DYNC1I1: variants seen among roughly 807,000 people sequenced by gnomAD.
DYNC1I1 encodes the protein cytoplasmic dynein 1 intermediate chain 1.
In DYNC1I1, 43 loss-of-function variants were observed where a neutral mutation model predicts 86.6. That is an observed-to-expected ratio of 0.50 (90% CI 0.39 to 0.64). DYNC1I1 has a LOEUF of 0.64. Ranked by LOEUF, DYNC1I1 falls within the 30% of genes least tolerant of loss-of-function variation. DYNC1I1 has a pLI of 0.00. For synonymous variants in DYNC1I1, 262 were observed against 283.7 expected, an observed-to-expected ratio of 0.92 and a Z score of 0.77; for missense variants, 604 against 788.8, an observed-to-expected ratio of 0.77 and a Z score of 2.81.
At chr7:96,080,548 A>G in intron 16 of DYNC1I1, 60 bp downstream of exon 16, 2 of 1,613,798 alleles carry the variant, frequency 1.2e-6, no homozygotes, top group Admixed American at 3.3e-5. Context: ...TTAGAAACCT[A>G]GTGAAATTAT....
At chr7:96,015,292 G>A (rs1192237870) in intron 10 of DYNC1I1, among the ~76,000 whole-genome samples, 1 of 152,044 alleles carries the variant, frequency 6.6e-6, no homozygotes, top group African/African-American at 2.4e-5. Flanking sequence ...ATTTATTCTA[G>A]CTGACCCATA....
At chr7:95,855,833 G>A (rs925048237) in intron 5 of DYNC1I1, among the ~76,000 whole-genome samples, 1 of 152,144 alleles carries the variant, frequency 6.6e-6, no homozygotes, top group Non-Finnish European at 1.5e-5. Flanking sequence ...AACTTACCAT[G>A]AATGGAGCTT....
chr7:96,047,550 G>A (rs1789255292), intron 14 of DYNC1I1, among the ~76,000 whole-genome samples: 1 of 152,158 alleles, frequency 6.6e-6, no homozygotes, highest in Admixed American at 6.5e-5. Context: ...GGGTCACGTG[G>A]ACCTCAGTGA....
rs117089672 is a variant in DYNC1I1 at position 96,016,614 on chromosome 7, T to C, written c.970-11561T>C. Among the ~76,000 whole-genome samples, 114 of 152,296 alleles carry C rather than the reference T, an allele frequency of 7.5e-4. No homozygotes were observed. In the East Asian group the frequency reaches 0.021, roughly 28 times the overall value. On this transcript the variant is annotated intron_variant, in intron 10 of 16. Transcript: ENST00000447467. ...ATCTGGTTAGCTTATTTTTTTGTAT[T>C]GTGCTGGTAAAAAATAATACCTGAT...
chr7:95,791,113 C>T (rs1298656561), intron 1 of DYNC1I1, among the ~76,000 whole-genome samples: 1 of 152,036 alleles, frequency 6.6e-6, no homozygotes, highest in East Asian at 1.9e-4. Flanking sequence ...TCTAATTTTA[C>T]TTTATTATCT....
intron 14 of DYNC1I1, among the ~76,000 whole-genome samples, chr7:96,049,257 C>CA (rs200677000): frequency 0.016 from 1,168 of 73,998 alleles, 9 homozygotes; most frequent in African/African-American, 0.019. Context: ...GACTCCATCT[C>CA]AAAAAAAAAA....
At chr7:95,818,603 C>A in intron 4 of DYNC1I1, 1 of 595,180 alleles carries the variant, frequency 1.7e-6, no homozygotes, top group South Asian at 2.2e-5. Flanking sequence ...GCCTCTCCCT[C>A]CCAAAGTGCT....
At chr7:96,050,935 G>A (rs1477641542) in intron 14 of DYNC1I1, among the ~76,000 whole-genome samples, 1 of 152,064 alleles carries the variant, frequency 6.6e-6, no homozygotes, top group Non-Finnish European at 1.5e-5. Flanking sequence ...ATTCTGTTGA[G>A]TACCAACTCT....
chr7:95,910,374 T>C lies in DYNC1I1; in HGVS notation c.490+40376T>C, dbSNP rs111754847. On this transcript the variant is annotated intron_variant, in intron 6 of 16. Transcript: ENST00000447467. ...TTAACTGGCATTCAGGACTTCTGTG[T>C]CCAGGAGCCAGATGTTTTGTATTTT... is the stretch of plus-strand genomic sequence containing the variant. Among the ~76,000 whole-genome samples the C allele has an allele frequency of 2.9e-3, 435 of 152,322 alleles. 3 individuals are homozygous for C. The highest frequency in any genetic ancestry group is 0.01 in the African/African-American group (423 of 41,588).
intron 6 of DYNC1I1, among the ~76,000 whole-genome samples, chr7:95,927,503 G>C (rs1791776639): frequency 6.6e-6 from 1 of 152,128 alleles, no homozygotes; most frequent in Non-Finnish European, 1.5e-5. Context: ...TAGTGGATTA[G>C]TTAAAAATAC....
chr7:95,897,453 T>A lies in DYNC1I1; in HGVS notation c.490+27455T>A, dbSNP rs922575405. Among the ~76,000 whole-genome samples, 22 of 152,206 alleles carry A rather than the reference T, an allele frequency of 1.4e-4. No homozygotes were observed. In the East Asian group the frequency reaches 3.9e-3, roughly 27 times the overall value. Reference sequence around the variant, plus strand: ...TGTCCTCTATTGACCATGATTTTTTTTTTTTGGCATTCTTTCCTGTGGATC... The same window carrying A: ...TGTCCTCTATTGACCATGATTTTTTATTTTTGGCATTCTTTCCTGTGGATC... On this transcript the variant is annotated intron_variant, in intron 6 of 16. Coordinates refer to ENST00000447467, the MANE Select transcript of DYNC1I1 (RefSeq NM_001135556.2).
At chr7:95,988,968 T>C (rs146528916) in intron 9 of DYNC1I1, among the ~76,000 whole-genome samples, 9 of 152,300 alleles carry the variant, frequency 5.9e-5, no homozygotes, top group Non-Finnish European at 1.2e-4. Flanking sequence ...TATACCAAAG[T>C]ATTTTAGCAT....
At chr7:95,827,934 G>A in intron 4 of DYNC1I1, 123 bp from the exon 5 acceptor site, 2 of 851,842 alleles carry the variant, frequency 2.3e-6, no homozygotes, top group South Asian at 1.7e-5. Flanking sequence ...ATGGAAGGGG[G>A]ACATGTTCTG....
At chr7:95,958,953 G>A (rs319340) in intron 6 of DYNC1I1, among the ~76,000 whole-genome samples, 39,824 of 152,086 alleles carry the variant, frequency 0.26, 5,815 homozygotes, top group East Asian at 0.64. Flanking sequence ...AATGACAAAT[G>A]GGTGGGCTGG....
intron 13 of DYNC1I1, among the ~76,000 whole-genome samples, chr7:96,039,054 G>C (rs1349540716): frequency 1.3e-5 from 2 of 152,136 alleles, no homozygotes; most frequent in African/African-American, 4.8e-5. Context: ...ATTTTAAAAA[G>C]ATTTCATTGC....
intron 5 of DYNC1I1, among the ~76,000 whole-genome samples, chr7:95,840,234 C>T (rs1789243426): frequency 6.6e-6 from 1 of 151,896 alleles, no homozygotes; most frequent in Admixed American, 6.6e-5. Flanking sequence ...CCCTGTAATT[C>T]TCTTAATATA....
chr7:95,781,875 C>T (rs1458580707), intron 1 of DYNC1I1, among the ~76,000 whole-genome samples: 1 of 152,168 alleles, frequency 6.6e-6, no homozygotes, highest in Admixed American at 6.5e-5. Flanking sequence ...GATGTCAACG[C>T]TGTCAGGGAA....
chr7:95,954,144 G>C (rs1792635662), intron 6 of DYNC1I1, among the ~76,000 whole-genome samples: 1 of 151,874 alleles, frequency 6.6e-6, no homozygotes, highest in African/African-American at 2.4e-5. Context: ...AGGCCTTGTG[G>C]ATTCAAAAGC....
At chr7:96,075,395 T>A (rs143107314) in intron 14 of DYNC1I1, among the ~76,000 whole-genome samples, 1 of 152,162 alleles carries the variant, frequency 6.6e-6, no homozygotes, top group Non-Finnish European at 1.5e-5. Context: ...GGCACTTCAA[T>A]GAGCCACACC....
Sources: gnomAD v4.1 joint callset for allele counts (sites outside exome capture counted in the v4.1 genomes callset) on GRCh38, gnomAD v4.1.1 for gene constraint, MANE v1.5 for transcripts, NCBI Gene and HGNC (gene_info 2026-07-23, HGNC 2026-07-21) for gene names.